ITPR2: variants seen among roughly 807,000 people sequenced by gnomAD.
The protein encoded by ITPR2 is inositol 1,4,5-trisphosphate-gated calcium channel ITPR2.
Under a neutral mutation model 317.1 loss-of-function variants are expected in ITPR2, and 207 were observed. The observed-to-expected ratio is 0.65, with a 90% CI of 0.58 to 0.73. The LOEUF is 0.73. Ranked by LOEUF, ITPR2 falls within the 30% of genes least tolerant of loss-of-function variation. ITPR2 has a pLI of 0.00. For missense variants in ITPR2, 2,613 were observed against 3,284.0 expected (o/e 0.80, Z 4.99); for synonymous variants, 1,156 against 1,149.1 (o/e 1.01, Z -0.12).
chr12:26,339,223 C>G lies in ITPR2; in HGVS notation c.*174G>C. The stretch of plus-strand genomic sequence containing the variant: ...TGCATTTGAGGTTAGGTCTTCGCAA[C>G]CATGAAAACACAGTTATAAATTGTT... On this transcript the variant is annotated 3_prime_UTR_variant, in exon 57 of 57. Coordinates refer to ENST00000381340, the MANE Select transcript of ITPR2 (RefSeq NM_002223.4). 1.7e-6 allele frequency: 1 copy of G among 592,128 alleles called. No individual in the cohort carries two copies. Among genetic ancestry groups the G allele is most frequent in the South Asian group, 2.1e-5 (1 of 46,808 alleles). The allele number at this position is 592,128 out of a possible 1,614,324, so 36.7% of individuals were successfully genotyped here.
At chr12:26,746,276 T>C (rs1047376560) in intron 2 of ITPR2, among the ~76,000 whole-genome samples, 2 of 151,878 alleles carry the variant, frequency 1.3e-5, no homozygotes, top group Non-Finnish European at 2.9e-5. Context: ...GAAGACCTAA[T>C]AAAATATGCA....
intron 4 of ITPR2, among the ~76,000 whole-genome samples, chr12:26,723,491 C>T (rs898662799): frequency 1.3e-4 from 20 of 152,148 alleles, no homozygotes; most frequent in Non-Finnish European, 1.9e-4. Flanking sequence ...GACATTTAAC[C>T]GAAACTTGGT....
intron 34 of ITPR2, among the ~76,000 whole-genome samples, chr12:26,572,617 G>A (rs1945190325): frequency 6.6e-6 from 1 of 152,234 alleles, no homozygotes; most frequent in South Asian, 2.1e-4. Flanking sequence ...CACCAATCTA[G>A]GAAGGAGTTA....
Position 26,415,451 on chromosome 12 carries a change from T to C in ITPR2, c.7158A>G (p.Lys2386=), listed in dbSNP as rs1349854246. 6.2e-7 allele frequency: 1 copy of C among 1,610,382 alleles called. No individual in the cohort carries two copies. The highest frequency in any genetic ancestry group is 8.5e-7 in the Non-Finnish European group (1 of 1,177,972). ...YREETLLNVI[K]SVTRNGRSII... The stretch of plus-strand genomic sequence containing the variant: ...TAGAGCGGCCATTTCGTGTGACACT[T>C]TTTATGACATTCAGCAAAGTCTCTT... Residue 2386 remains lysine (K), a synonymous_variant, in exon 51 of 57, where the codon AAA becomes AAG. Transcript: ENST00000381340.
At chr12:26,550,847 C>T (rs1190805000) in intron 36 of ITPR2, among the ~76,000 whole-genome samples, 1 of 151,928 alleles carries the variant, frequency 6.6e-6, no homozygotes, top group Non-Finnish European at 1.5e-5. Flanking sequence ...TTTTTCACTG[C>T]CAGGGTTTGG....
At chr12:26,803,929 T>C (rs995913202) in intron 1 of ITPR2, among the ~76,000 whole-genome samples, 1 of 152,024 alleles carries the variant, frequency 6.6e-6, no homozygotes, top group Non-Finnish European at 1.5e-5. Flanking sequence ...TACCAGAAAC[T>C]TGGAGGCTGT....
intron 21 of ITPR2, among the ~76,000 whole-genome samples, chr12:26,640,084 G>A: frequency 6.6e-6 from 1 of 152,178 alleles, no homozygotes; most frequent in East Asian, 1.9e-4. Context: ...CAGAGATTGT[G>A]AGAACTGGGG....
Position 26,476,827 on chromosome 12 carries a change from T to C in ITPR2, c.6219+85A>G, listed in dbSNP as rs534428869. 1.7e-4 allele frequency: 133 copies of C among 788,086 alleles called. 2 individuals carry two copies. The South Asian group carries it at 2.1e-3, about 13-fold the overall frequency. The allele number at this position is 788,086 out of a possible 1,614,324, so 48.8% of individuals were successfully genotyped here. The stretch of plus-strand genomic sequence containing the variant: ...GTCTTGGTAGAGCAATGAAAATCAA[T>C]CAACTTTTTTTTCTGACATGCATTC... On this transcript the variant is annotated intron_variant, in intron 44 of 56. Coordinates refer to ENST00000381340, the MANE Select transcript of ITPR2 (RefSeq NM_002223.4).
At chr12:26,656,241 T>C in intron 19 of ITPR2, 56 bp downstream of exon 19, 3 of 1,591,316 alleles carry the variant, frequency 1.9e-6, no homozygotes, top group Non-Finnish European at 2.6e-6. Flanking sequence ...TGTAGACATT[T>C]GACGTGGAGT....
At chr12:26,713,528 T>C (rs1403982759) in intron 8 of ITPR2, among the ~76,000 whole-genome samples, 2 of 152,246 alleles carry the variant, frequency 1.3e-5, no homozygotes, top group African/African-American at 4.8e-5. Context: ...AACAATTTAT[T>C]CGCTCCCTAT....
chr12:26,596,248 C>T (rs1431349639), intron 31 of ITPR2, among the ~76,000 whole-genome samples: 2 of 152,202 alleles, frequency 1.3e-5, no homozygotes. Context: ...CAAGTACATA[C>T]TAAAGTTTCA....
intron 26 of ITPR2, among the ~76,000 whole-genome samples, chr12:26,606,512 G>T (rs1420680806): frequency 6.8e-6 from 1 of 148,072 alleles, no homozygotes; most frequent in African/African-American, 2.5e-5. Flanking sequence ...GAGAAACAAA[G>T]AGTGAATATT....
chr12:26,595,582 A>T lies in ITPR2; in HGVS notation c.4263T>A (p.Ile1421=). The T allele has an allele frequency of 6.4e-7, 1 of 1,565,610 alleles. No homozygotes were observed. Among genetic ancestry groups the T allele is most frequent in the East Asian group, 2.3e-5 (1 of 42,782 alleles). The change falls in exon 32 of 57, where the codon ATT becomes ATA. Residue 1421 remains isoleucine, a synonymous_variant. Coordinates refer to ENST00000381340, the MANE Select transcript of ITPR2 (RefSeq NM_002223.4). ...THDDCIPEVK[I]AYVNFVNHCY... ...AGTGATTAACAAAGTTCACATAAGC[A>T]ATTTTAACCTGTGCAAGTTTCAAAT...
chr12:26,446,606 G>A (rs1941613900), intron 45 of ITPR2, among the ~76,000 whole-genome samples: 1 of 151,508 alleles, frequency 6.6e-6, no homozygotes, highest in Non-Finnish European at 1.5e-5. Context: ...ATCATTTTCA[G>A]TTAATATATA....
At chr12:26,708,328 C>G (rs1174455666) in intron 9 of ITPR2, among the ~76,000 whole-genome samples, 1 of 152,070 alleles carries the variant, frequency 6.6e-6, no homozygotes, top group Non-Finnish European at 1.5e-5. Flanking sequence ...ACACAATAGC[C>G]AAGATTTGGA....
At chr12:26,648,312 G>A (rs1268946421) in intron 21 of ITPR2, among the ~76,000 whole-genome samples, 1 of 152,142 alleles carries the variant, frequency 6.6e-6, no homozygotes, top group East Asian at 1.9e-4. Flanking sequence ...CTGCTCTCCT[G>A]CGTCTGACCT....
chr12:26,349,692 T>C (rs1299551302), intron 55 of ITPR2, among the ~76,000 whole-genome samples: 1 of 152,262 alleles, frequency 6.6e-6, no homozygotes, highest in African/African-American at 2.4e-5. Context: ...GAGACGTGCA[T>C]GGCACCCAGC....
At chr12:26,525,991 T>C (rs1418832534) in intron 37 of ITPR2, among the ~76,000 whole-genome samples, 2 of 152,198 alleles carry the variant, frequency 1.3e-5, no homozygotes, top group Non-Finnish European at 2.9e-5. Context: ...CACTCAGGTG[T>C]TGCTCCCTAC....
chr12:26,811,869 A>AG (rs1565783586), intron 1 of ITPR2, among the ~76,000 whole-genome samples: 4 of 145,762 alleles, frequency 2.7e-5, no homozygotes, highest in African/African-American at 1.0e-4. Context: ...AAAAAAAAAA[A>AG]AAAGAAATCT....
Sources: allele counts gnomAD v4.1 joint callset (sites outside exome capture counted in the v4.1 genomes callset), GRCh38; gene constraint gnomAD v4.1.1; transcripts MANE v1.5; gene names NCBI Gene and HGNC (gene_info 2026-07-23, HGNC 2026-07-21).